Variants in THRB observed in about 807,000 individuals in gnomAD.
The protein encoded by THRB is thyroid hormone receptor beta.
Under a neutral mutation model 47.8 loss-of-function variants are expected in THRB, and 12 were observed. The observed-to-expected ratio is 0.25, with a 90% CI of 0.16 to 0.41. The LOEUF (loss-of-function observed/expected upper bound fraction) is 0.41, where lower values mean the gene tolerates loss of function less well. Among genes scored for constraint, THRB ranks in the 10% least tolerant of loss-of-function variants. THRB has a pLI of 1.00. For synonymous variants in THRB, 218 were observed against 212.2 expected, an observed-to-expected ratio of 1.03 and a Z score of -0.24; for missense variants, 348 against 589.2, an observed-to-expected ratio of 0.59 and a Z score of 4.24.
chr3:24,465,758 C>A (rs2074092986), intron 1 of THRB, among the ~76,000 whole-genome samples: 1 of 152,140 alleles, frequency 6.6e-6, no homozygotes, highest in East Asian at 1.9e-4. Context: ...TAGTTGATTT[C>A]ATCAGCACTA....
At chr3:24,184,813 G>A (rs1211053552) in intron 5 of THRB, among the ~76,000 whole-genome samples, 1 of 152,220 alleles carries the variant, frequency 6.6e-6, no homozygotes, top group African/African-American at 2.4e-5. Flanking sequence ...GGATGGAGCA[G>A]ATGGTAGTAC....
intron 3 of THRB, among the ~76,000 whole-genome samples, chr3:24,261,746 C>G (rs557946068): frequency 1.1e-3 from 171 of 152,302 alleles, no homozygotes; most frequent in African/African-American, 4.0e-3. Context: ...ATTCTTGGAA[C>G]TCATTTTATT....
intron 3 of THRB, among the ~76,000 whole-genome samples, chr3:24,252,580 C>G (rs1196009634): frequency 3.3e-5 from 5 of 151,384 alleles, no homozygotes; most frequent in African/African-American, 1.2e-4. Context: ...CTAGAAACCA[C>G]CCACAATCTC....
chr3:24,241,580 C>T (rs2049513368), intron 3 of THRB, among the ~76,000 whole-genome samples: 1 of 152,182 alleles, frequency 6.6e-6, no homozygotes, highest in South Asian at 2.1e-4. Context: ...CTATCCAAAG[C>T]ACGTTGCCAA....
At chr3:24,446,591 T>C (rs1194907394) in intron 1 of THRB, among the ~76,000 whole-genome samples, 2 of 151,536 alleles carry the variant, frequency 1.3e-5, no homozygotes, top group African/African-American at 4.9e-5. Flanking sequence ...GAAAGAAATA[T>C]ACTTTTGAAA....
intron 4 of THRB, among the ~76,000 whole-genome samples, chr3:24,202,948 T>A (rs565361100): frequency 3.9e-4 from 59 of 152,326 alleles, no homozygotes; most frequent in Non-Finnish European, 6.6e-4. Flanking sequence ...GCACTTGGAA[T>A]CTTCCTCAGG....
intron 5 of THRB, among the ~76,000 whole-genome samples, chr3:24,174,598 A>C (rs1042431261): frequency 6.6e-6 from 1 of 152,202 alleles, no homozygotes; most frequent in African/African-American, 2.4e-5. Flanking sequence ...AAGACTTAGA[A>C]GTCTTTTGCA....
intron 1 of THRB, among the ~76,000 whole-genome samples, chr3:24,480,022 A>G (rs1032348977): frequency 6.6e-6 from 1 of 152,230 alleles, no homozygotes; most frequent in African/African-American, 2.4e-5. Context: ...TCCATGCTGT[A>G]TAAGAGTCCC....
At chr3:24,144,040 A>G in intron 7 of THRB, 1 of 343,798 alleles carries the variant, frequency 2.9e-6, no homozygotes, top group South Asian at 3.5e-5. Context: ...TACCCACAAG[A>G]TCACAGAGAA....
In THRB at chr3:24,486,969, C is replaced by G. The variant is rs181041834; in HGVS notation, c.-261+7683G>C. ...ATTTTAAAAGTAAACAGAAATACAGCAGAAATAAACCATTCTCCAGCTTAT... is the reference window on the plus strand; with the variant it reads ...ATTTTAAAAGTAAACAGAAATACAGGAGAAATAAACCATTCTCCAGCTTAT... On this transcript the variant is annotated intron_variant, in intron 1 of 10. Coordinates refer to ENST00000646209, the MANE Select transcript of THRB (RefSeq NM_001354712.2). Among the ~76,000 whole-genome samples the G allele has an allele frequency of 7.5e-3, 1,140 of 152,180 alleles. 5 individuals are homozygous for G. The highest frequency in any genetic ancestry group is 0.012 in the Non-Finnish European group (808 of 68,004).
At chr3:24,409,905 C>G (rs1237138938) in intron 1 of THRB, among the ~76,000 whole-genome samples, 1 of 151,828 alleles carries the variant, frequency 6.6e-6, no homozygotes, top group Non-Finnish European at 1.5e-5. Context: ...CTCAATCTGT[C>G]TGGTTTACCT....
intron 5 of THRB, among the ~76,000 whole-genome samples, chr3:24,158,329 T>C (rs1244695774): frequency 6.6e-6 from 1 of 152,068 alleles, no homozygotes; most frequent in African/African-American, 2.4e-5. Flanking sequence ...TGTTCTTGCA[T>C]TATGCCTTTT....
intron 2 of THRB, among the ~76,000 whole-genome samples, chr3:24,300,320 A>G (rs574537962): frequency 1.3e-5 from 2 of 152,190 alleles, no homozygotes; most frequent in South Asian, 2.1e-4. Context: ...TGATCTACCA[A>G]CCACTCTGGC....
chr3:24,379,376 G>C (rs1452411961), intron 1 of THRB, among the ~76,000 whole-genome samples: 1 of 152,154 alleles, frequency 6.6e-6, no homozygotes, highest in Admixed American at 6.6e-5. Flanking sequence ...CCATAAGGGA[G>C]AGTCAAGGGT....
chr3:24,212,775 G>C (rs2046193050), intron 4 of THRB, among the ~76,000 whole-genome samples: 1 of 152,028 alleles, frequency 6.6e-6, no homozygotes, highest in African/African-American at 2.4e-5. Context: ...GAGAAAGCTG[G>C]GTGAAGGTAA....
In THRB at chr3:24,468,780, G is replaced by C. The variant is rs577390359; in HGVS notation, c.-261+25872C>G. ...AGAATTTAAACATTTTAAATGTTGT[G>C]AGAATTACCAAAATACGACACAGAT... On this transcript the variant is annotated intron_variant, in intron 1 of 10. Coordinates refer to ENST00000646209, the MANE Select transcript of THRB (RefSeq NM_001354712.2). Among the ~76,000 whole-genome samples, 3 of 152,298 alleles carry C rather than the reference G, an allele frequency of 2.0e-5. No homozygotes were observed. The South Asian group carries it at 6.2e-4, about 32-fold the overall frequency.
At chr3:24,312,516 CA>C (rs1312484061) in intron 2 of THRB, among the ~76,000 whole-genome samples, 3 of 152,216 alleles carry the variant, frequency 2.0e-5, no homozygotes, top group Non-Finnish European at 2.9e-5. Context: ...TCCTTGAAAT[CA>C]AACCATGCTT....
chr3:24,198,465 C>G lies in THRB; in HGVS notation c.23-8131G>C, dbSNP rs1195398704. ...GTGTCTCCCCCCGCCCCCCCCCCCC[C>G]CTTTTTTTTTTAACTACTAGTAATT... On this transcript the variant is annotated intron_variant, in intron 4 of 10. Transcript: ENST00000646209. Among the ~76,000 whole-genome samples the G allele has an allele frequency of 8.7e-4, 54 of 61,890 alleles. 1 individual carries two copies. Among genetic ancestry groups the G allele is most frequent in the Non-Finnish European group, 1.2e-3 (39 of 32,442 alleles). 40.6% of individuals were successfully genotyped at this position (61,890 alleles called of 152,430 possible).
rs75762534 is a variant in THRB, at chr3:24,249,374, T to C, written c.-42-20373A>G. ...ATTCTTTCTGATCTTTTCCCCCTTA[T>C]ACTTCTAATACTTTAAGGTGATAAT... is the stretch of plus-strand genomic sequence containing the variant. On this transcript the variant is annotated intron_variant, in intron 3 of 10. Transcript: ENST00000646209. 8.2e-3 allele frequency among the ~76,000 whole-genome samples: 1,247 copies of C among 152,314 alleles called. 8 individuals are homozygous for C. Among genetic ancestry groups the C allele is most frequent in the African/African-American group, 0.027 (1,136 of 41,562 alleles).
Sources: gnomAD v4.1 joint callset for allele counts (sites outside exome capture counted in the v4.1 genomes callset) on GRCh38, gnomAD v4.1.1 for gene constraint, MANE v1.5 for transcripts, NCBI Gene and HGNC (gene_info 2026-07-23, HGNC 2026-07-21) for gene names.